SUGT1: variants seen among roughly 807,000 people sequenced by gnomAD.
The protein encoded by SUGT1 is protein SGT1 homolog.
Under a neutral mutation model 56.1 loss-of-function variants are expected in SUGT1, and 15 were observed. The observed-to-expected ratio is 0.27, with a 90% CI of 0.18 to 0.41. The LOEUF is 0.41. SUGT1 is among the 10% of genes least tolerant of loss of function. The pLI, the probability that SUGT1 is intolerant of heterozygous loss-of-function variation, is 1.00. For missense variants in SUGT1, 347 were observed against 382.2 expected, an observed-to-expected ratio of 0.91 and a Z score of 0.77; for synonymous variants, 123 against 128.6, an observed-to-expected ratio of 0.96 and a Z score of 0.30.
chr13:52,652,977 C>G lies in SUGT1; in HGVS notation c.38+19C>G, dbSNP rs368737143. On this transcript the variant is annotated intron_variant, in intron 1 of 12. Coordinates refer to ENST00000310528, the MANE Select transcript of SUGT1 (RefSeq NM_006704.5). Reference sequence around the variant, plus strand: ...CCCAGAGGTGCATGTTTTTCTTTCCCTTTGGTATTTATTTTATCCCCCTTT... The same window carrying G: ...CCCAGAGGTGCATGTTTTTCTTTCCGTTTGGTATTTATTTTATCCCCCTTT... 12 of 1,614,198 alleles carry G rather than the reference C, an allele frequency of 7.4e-6. No homozygotes were observed. Among genetic ancestry groups the G allele is most frequent in the Non-Finnish European group, 9.3e-6 (11 of 1,180,014 alleles).
At position 52,692,924 on chromosome 13, in the gene SUGT1, T is replaced by A. The variant is rs1321678727; in HGVS notation, c.*5089T>A. On this transcript the variant is annotated 3_prime_UTR_variant, in exon 13 of 13. Coordinates refer to ENST00000310528, the MANE Select transcript of SUGT1 (RefSeq NM_006704.5). The stretch of plus-strand genomic sequence containing the variant: ...ACAACTGTTGCATGTGTAAGAAGAC[T>A]GGTACATGATGCCAATGAAATTCTT... 2.0e-5 allele frequency: 3 copies of A among 152,350 alleles called. No homozygotes were observed. The East Asian group carries it at 5.8e-4, about 29-fold the overall frequency. The allele number at this position is 152,350 out of a possible 1,614,324, so 9.4% of individuals were successfully genotyped here.
At chr13:52,659,354 A>G in intron 5 of SUGT1, 105 bp downstream of exon 5, 1 of 622,728 alleles carries the variant, frequency 1.6e-6, no homozygotes, top group Non-Finnish European at 2.6e-6. Context: ...GAAACCCAAT[A>G]CCTGTTTTTC....
intron 10 of SUGT1, among the ~76,000 whole-genome samples, chr13:52,670,091 T>C (rs1962869918): frequency 6.6e-6 from 1 of 152,232 alleles, no homozygotes; most frequent in Non-Finnish European, 1.5e-5. Flanking sequence ...ATTTCTTTGC[T>C]TTTGGGAATT....
At chr13:52,681,849 A>AAAGAG (rs1555274216) in intron 12 of SUGT1, among the ~76,000 whole-genome samples, 5 of 147,118 alleles carry the variant, frequency 3.4e-5, no homozygotes, top group East Asian at 3.9e-4. Flanking sequence ...AAAAAAAAAA[A>AAAGAG]AGAGAGAGAG....
chr13:52,684,348 A>G (rs60191845), intron 12 of SUGT1, among the ~76,000 whole-genome samples: 1,727 of 152,166 alleles, frequency 0.011, 34 homozygotes, highest in African/African-American at 0.039. Context: ...CCCATTAGCT[A>G]GATTTGCTTA....
At chr13:52,674,409 T>C (rs970307024) in intron 10 of SUGT1, among the ~76,000 whole-genome samples, 2 of 152,104 alleles carry the variant, frequency 1.3e-5, no homozygotes, top group African/African-American at 4.8e-5. Flanking sequence ...ATTTCTTTGC[T>C]CCAAAAGAAA....
chr13:52,661,850 A>T (rs1962471850), intron 5 of SUGT1, among the ~76,000 whole-genome samples: 1 of 152,180 alleles, frequency 6.6e-6, no homozygotes, highest in Non-Finnish European at 1.5e-5. Context: ...AAATTAGTAA[A>T]GTAGAAATTT....
chr13:52,658,331 T>A, intron 3 of SUGT1, 68 bp from the exon 4 acceptor site: 1 of 1,592,734 alleles, frequency 6.3e-7, no homozygotes, highest in Non-Finnish European at 8.5e-7. Context: ...CTAAAACTGA[T>A]TCATATGTTG....
At chr13:52,653,004 C>T (rs376138535) in intron 1 of SUGT1, 42 bp from the exon 2 acceptor site, 2 of 1,614,166 alleles carry the variant, frequency 1.2e-6, no homozygotes, top group South Asian at 1.1e-5. Flanking sequence ...TCCCCCTTTC[C>T]TTGGCTAGTG....
intron 2 of SUGT1, among the ~76,000 whole-genome samples, chr13:52,653,497 A>T (rs1962016456): frequency 6.6e-6 from 1 of 152,136 alleles, no homozygotes; most frequent in Admixed American, 6.5e-5. Context: ...TGTCGGTATG[A>T]AGTCAGTCTA....
chr13:52,658,029 C>T, intron 3 of SUGT1: 1 of 1,113,954 alleles, frequency 9.0e-7, no homozygotes, highest in Non-Finnish European at 1.1e-6. Context: ...CAAGACCAGC[C>T]TGGGCAACAT....
At chr13:52,681,252 CAA>C (rs530162235) in intron 12 of SUGT1, among the ~76,000 whole-genome samples, 14 of 97,850 alleles carry the variant, frequency 1.4e-4, no homozygotes, top group Admixed American at 1.0e-4. Context: ...CCTATCTCTA[CAA>C]AAAAAAAAAA....
intron 8 of SUGT1, 107 bp downstream of exon 8, chr13:52,664,164 T>A: frequency 1.6e-6 from 2 of 1,220,514 alleles, no homozygotes; most frequent in Non-Finnish European, 2.3e-6. Flanking sequence ...TTTTAAGTTT[T>A]TGTTTGTTTT....
chr13:52,662,078 A>G (rs9563112), intron 5 of SUGT1, among the ~76,000 whole-genome samples: 1,806 of 152,336 alleles, frequency 0.012, 32 homozygotes, highest in East Asian at 0.064. Context: ...TACATCACCT[A>G]TAGCCTCTCG....
In SUGT1 at chr13:52,697,731, G is replaced by A. The variant is rs9536240; in HGVS notation, c.*9896G>A. On this transcript the variant is annotated 3_prime_UTR_variant, in exon 13 of 13. Transcript: ENST00000310528. ...GTGAGCCTTTACTTTAAGGTATGTA[G>A]TAGAATAATATAGGTATCTGAAAAA... The A allele has an allele frequency of 0.96, 145,715 of 152,306 alleles. 69,724 individuals are homozygous for A. The highest frequency in any genetic ancestry group is 0.99 in the East Asian group (5,144 of 5,188). The allele number at this position is 152,306 out of a possible 1,614,324, so 9.4% of individuals were successfully genotyped here.
In SUGT1 at chr13:52,662,879, GGGATTTGGGT is replaced by G. The variant is rs200659818; in HGVS notation, c.382+185_382+194del. Among the ~76,000 whole-genome samples the G allele has an allele frequency of 2.6e-4, 40 of 152,280 alleles. No individual in the cohort carries two copies. The East Asian group carries it at 7.7e-3, about 29-fold the overall frequency. On this transcript the variant is annotated intron_variant, in intron 6 of 12. Transcript: ENST00000310528. ...TTGCATAGCTTCTTATGTTGAAAGGGGGATTTGGGTGGATTTGCTTGTATGGTATATCAGT... is the reference window on the plus strand; with the variant it reads ...TTGCATAGCTTCTTATGTTGAAAGGGGGATTTGCTTGTATGGTATATCAGT...
intron 10 of SUGT1, among the ~76,000 whole-genome samples, chr13:52,667,913 G>A (rs1043188126): frequency 6.6e-6 from 1 of 151,856 alleles, no homozygotes; most frequent in Non-Finnish European, 1.5e-5. Flanking sequence ...ATTGTGTGAA[G>A]GTATATGATA....
At chr13:52,663,004 A>G in intron 6 of SUGT1, 92 bp from the exon 7 acceptor site, 1 of 1,402,242 alleles carries the variant, frequency 7.1e-7, no homozygotes, top group East Asian at 2.3e-5. Context: ...TTGCTTGCTT[A>G]ATCAGTATGT....
intron 8 of SUGT1, among the ~76,000 whole-genome samples, chr13:52,664,662 A>G (rs971008359): frequency 2.0e-5 from 3 of 152,140 alleles, no homozygotes; most frequent in Non-Finnish European, 4.4e-5. Flanking sequence ...GTGGTTTTGG[A>G]TATAATTACC....
Sources: allele counts gnomAD v4.1 joint callset (sites outside exome capture counted in the v4.1 genomes callset), GRCh38; gene constraint gnomAD v4.1.1; transcripts MANE v1.5; gene names NCBI Gene and HGNC (gene_info 2026-07-23, HGNC 2026-07-21).